MICU2: variants seen among roughly 807,000 people sequenced by gnomAD.
MICU2 encodes mitochondrial calcium uptake 2, also known as calcium uptake protein 2, mitochondrial.
MICU2 carries 64 observed loss-of-function variants against 60.4 expected under a neutral mutation model. The ratio of observed to expected loss-of-function variants is 1.06; its 90% confidence interval spans 0.87 to 1.31. The LOEUF (loss-of-function observed/expected upper bound fraction) is 1.31. Ranked by LOEUF, MICU2 falls within the 50% of genes most tolerant of loss-of-function variation. The pLI is 0.00. For synonymous variants in MICU2, 201 were observed against 175.0 expected (o/e 1.15, Z -1.17); for missense variants, 569 against 531.0 (o/e 1.07, Z -0.70).
intron 8 of MICU2, among the ~76,000 whole-genome samples, chr13:21,509,718 C>T (rs1344238356): frequency 6.6e-6 from 1 of 152,220 alleles, no homozygotes; most frequent in African/African-American, 2.4e-5. Context: ...ACAACTGACG[C>T]TAGGCGCATG....
chr13:21,499,437 T>G (rs988290154), intron 9 of MICU2, among the ~76,000 whole-genome samples: 9 of 150,938 alleles, frequency 6.0e-5, no homozygotes, highest in Non-Finnish European at 1.3e-4. Flanking sequence ...TGAGATGGAG[T>G]CTCGCTCTGT....
intron 1 of MICU2, among the ~76,000 whole-genome samples, chr13:21,601,529 AGGAGAG>A (rs1888814274): frequency 6.6e-6 from 1 of 152,222 alleles, no homozygotes; most frequent in Admixed American, 6.5e-5. Flanking sequence ...GCTGCAGGGA[AGGAGAG>A]CTGAGAGTTG....
rs192748021 is a variant in MICU2, at chr13:21,521,411, C to G, written c.515-84G>C. On this transcript the variant is annotated intron_variant, in intron 5 of 11. Coordinates refer to ENST00000382374, the MANE Select transcript of MICU2 (RefSeq NM_152726.3). ...TAGATAGGTCTTCAAATTTGACATACACTAGCAGAAACTGTATGAGTAAGT... is the reference window on the plus strand; with the variant it reads ...TAGATAGGTCTTCAAATTTGACATAGACTAGCAGAAACTGTATGAGTAAGT... The G allele has an allele frequency of 3.7e-4, 385 of 1,035,610 alleles. 1 individual carries two copies. In the African/African-American group the frequency reaches 5.7e-3, roughly 15 times the overall value. The allele number at this position is 1,035,610 out of a possible 1,614,324, so 64.2% of individuals were successfully genotyped here.
intron 1 of MICU2, among the ~76,000 whole-genome samples, chr13:21,579,833 AT>A (rs1367786666): frequency 6.6e-6 from 1 of 152,212 alleles, no homozygotes; most frequent in African/African-American, 2.4e-5. Context: ...AAAAAAATCT[AT>A]GCTCTCAGTA....
rs552324793 is a variant in MICU2 at position 21,584,592 on chromosome 13, T to C, written c.211-17648A>G. Among the ~76,000 whole-genome samples, 59 of 152,206 alleles carry C rather than the reference T, an allele frequency of 3.9e-4. 1 individual carries two copies. The East Asian group carries it at 7.2e-3, about 18-fold the overall frequency. On this transcript the variant is annotated intron_variant, in intron 1 of 11. Transcript: ENST00000382374. ...TATGAACTATCTATGGAACCACATA[T>C]CTATGGAACTTTCATAGATGTCTAT...
At chr13:21,528,321 C>G (rs1162265035) in intron 4 of MICU2, among the ~76,000 whole-genome samples, 1 of 152,050 alleles carries the variant, frequency 6.6e-6, no homozygotes, top group Admixed American at 6.6e-5. Context: ...TTAACAGCAA[C>G]AGTAAAGTAT....
rs551682425 is a variant in MICU2, at chr13:21,512,596, C to T, written c.663+1757G>A. Among the ~76,000 whole-genome samples the T allele has an allele frequency of 6.6e-5, 10 of 151,816 alleles. No homozygotes were observed. The East Asian group carries it at 7.8e-4, about 12-fold the overall frequency. On this transcript the variant is annotated intron_variant, in intron 7 of 11. Coordinates refer to ENST00000382374, the MANE Select transcript of MICU2 (RefSeq NM_152726.3). ...CTGAGTAGCTGGGACTACGGGTGCCCGCCACCAGGCCCAGCTAATTTTTTT... is the reference window on the plus strand; with the variant it reads ...CTGAGTAGCTGGGACTACGGGTGCCTGCCACCAGGCCCAGCTAATTTTTTT...
chr13:21,527,508 T>C (rs1886887121), intron 4 of MICU2, among the ~76,000 whole-genome samples: 1 of 152,168 alleles, frequency 6.6e-6, no homozygotes, highest in Non-Finnish European at 1.5e-5. Flanking sequence ...AAACAGTACC[T>C]TTCACTCTCA....
At position 21,581,450 on chromosome 13, in the gene MICU2, C is replaced by G. The variant is rs58205008; in HGVS notation, c.211-14506G>C. ...GGTTGTTAACCTTACATGACATAAT[C>G]ATACTTCTGGGGTTCATAACTCCCT... On this transcript the variant is annotated intron_variant, in intron 1 of 11. Coordinates refer to ENST00000382374, the MANE Select transcript of MICU2 (RefSeq NM_152726.3). Among the ~76,000 whole-genome samples, 143 of 152,286 alleles carry G rather than the reference C, an allele frequency of 9.4e-4. 1 individual carries two copies. Among genetic ancestry groups the G allele is most frequent in the African/African-American group, 3.3e-3 (137 of 41,566 alleles).
intron 2 of MICU2, among the ~76,000 whole-genome samples, chr13:21,544,524 A>AAAC (rs199789617): frequency 6.8e-6 from 1 of 146,568 alleles, no homozygotes; most frequent in African/African-American, 2.5e-5. Context: ...ATGAAAAAAA[A>AAAC]AAAAAAAAAA....
Position 21,566,791 on chromosome 13 carries a change from A to G in MICU2, c.358+6T>C. On this transcript the variant is annotated splice_donor_region_variant and intron_variant, in intron 2 of 11. Transcript: ENST00000382374. ...TTTAATTAAAAAAAAAAAAGACCCA[A>G]CTCACGTTCCATTTGCTCAAACATC... 6.5e-7 allele frequency: 1 copy of G among 1,546,648 alleles called. No homozygotes were observed. Among genetic ancestry groups the G allele is most frequent in the Non-Finnish European group, 8.7e-7 (1 of 1,151,668 alleles).
chr13:21,513,361 T>C (rs1013212101), intron 7 of MICU2, among the ~76,000 whole-genome samples: 1 of 152,096 alleles, frequency 6.6e-6, no homozygotes, highest in Non-Finnish European at 1.5e-5. Context: ...TCAATAAGTA[T>C]GTTAGCTGTA....
chr13:21,507,319 C>T (rs1438062347), intron 8 of MICU2, among the ~76,000 whole-genome samples: 1 of 152,142 alleles, frequency 6.6e-6, no homozygotes, highest in Middle Eastern at 3.4e-3. Flanking sequence ...GTTAGGGAAT[C>T]GTAAAGTGAA....
intron 1 of MICU2, among the ~76,000 whole-genome samples, chr13:21,594,875 T>C (rs1160911772): frequency 1.3e-5 from 2 of 151,916 alleles, no homozygotes; most frequent in Non-Finnish European, 2.9e-5. Flanking sequence ...CCCGGGCCTG[T>C]TAGGGGGTGG....
chr13:21,593,291 G>A (rs1888622940), intron 1 of MICU2, among the ~76,000 whole-genome samples: 1 of 151,858 alleles, frequency 6.6e-6, no homozygotes, highest in Admixed American at 6.6e-5. Context: ...AAATACCTAG[G>A]AATACAGCTA....
At chr13:21,554,187 A>G (rs1368996003) in intron 2 of MICU2, among the ~76,000 whole-genome samples, 1 of 152,230 alleles carries the variant, frequency 6.6e-6, no homozygotes, top group Non-Finnish European at 1.5e-5. Context: ...CGGACCTAAT[A>G]GACATCTACA....
intron 9 of MICU2, among the ~76,000 whole-genome samples, chr13:21,500,270 G>A (rs903536458): frequency 9.9e-5 from 15 of 152,040 alleles, no homozygotes; most frequent in African/African-American, 3.4e-4. Flanking sequence ...TCTTCTGCAA[G>A]CATCCATGAA....
chr13:21,503,129 A>G lies in MICU2; in HGVS notation c.762-32T>C, dbSNP rs759675299. On this transcript the variant is annotated intron_variant, in intron 8 of 11. Coordinates refer to ENST00000382374, the MANE Select transcript of MICU2 (RefSeq NM_152726.3). ...GTTAAAATACAAAATTAGTAAGGTA[A>G]CTAGTGGCATTCAACCTTAAATATT... is the stretch of plus-strand genomic sequence containing the variant. The G allele has an allele frequency of 2.6e-6, 4 of 1,513,162 alleles. No individual in the cohort carries two copies. The Admixed American group carries it at 5.7e-5, about 22-fold the overall frequency. 93.7% of individuals were successfully genotyped at this position (1,513,162 alleles called of 1,614,324 possible).
intron 1 of MICU2, among the ~76,000 whole-genome samples, chr13:21,590,538 A>G (rs1222600060): frequency 3.3e-5 from 5 of 152,218 alleles, no homozygotes; most frequent in Non-Finnish European, 5.9e-5. Flanking sequence ...ACATGTTCCT[A>G]TTCTTATTCT....
Sources: allele counts gnomAD v4.1 joint callset (sites outside exome capture counted in the v4.1 genomes callset), GRCh38; gene constraint gnomAD v4.1.1; transcripts MANE v1.5; gene names NCBI Gene and HGNC (gene_info 2026-07-23, HGNC 2026-07-21).